Variants in SAYSD1 observed in about 807,000 individuals in gnomAD.
SAYSD1 encodes SAYSVFN motif domain containing 1.
A neutral mutation model predicts 14.5 loss-of-function variants in SAYSD1; 15 were observed. That is an observed-to-expected ratio of 1.03 (90% CI 0.69 to 1.59). The LOEUF (loss-of-function observed/expected upper bound fraction) is 1.59. Among genes scored for constraint, SAYSD1 ranks in the 40% most tolerant of loss-of-function variants. The pLI is 0.00. For missense variants in SAYSD1, 247 were observed against 227.3 expected (o/e 1.09, Z -0.56); for synonymous variants, 105 against 102.6 (o/e 1.02, Z -0.14).
intron 1 of SAYSD1, among the ~76,000 whole-genome samples, chr6:39,106,908 G>C (rs560396369): frequency 6.6e-6 from 1 of 152,116 alleles, no homozygotes; most frequent in Non-Finnish European, 1.5e-5. Flanking sequence ...CACTGTTTTC[G>C]GAACTCTTTT....
In SAYSD1 at chr6:39,115,129, C is replaced by T. The variant is rs1033704682; in HGVS notation, c.-40G>A. 3.2e-6 allele frequency: 5 copies of T among 1,566,892 alleles called. No individual in the cohort carries two copies. The Admixed American group carries it at 5.3e-5, about 17-fold the overall frequency. ...GTCCGTTGGCCGATAAGGGAGCGCG[C>T]GCCCGCAGGCCGCACAGCAGTTGCC... On this transcript the variant is annotated 5_prime_UTR_variant, in exon 1 of 2. Transcript: ENST00000229903.
chr6:39,115,061 G>A lies in SAYSD1; in HGVS notation c.29C>T (p.Ala10Val), dbSNP rs377371885. 82 of 1,609,630 alleles carry A rather than the reference G, an allele frequency of 5.1e-5. No homozygotes were observed. The African/African-American group carries it at 9.5e-4, about 19-fold the overall frequency. The change falls in exon 1 of 2, where the codon GCG (alanine) becomes GTG (valine). Residue 10 changes from alanine to valine, a missense_variant. Transcript: ENST00000229903. The stretch of plus-strand genomic sequence containing the variant: ...CGCCAGACCCGCCCGTTTCCGCGCC[G>A]CCCGAAACTCAGCTAACCGCTGTTC... MEQRLAEFR[A>V]ARKRAGLAAQ...
intron 1 of SAYSD1, chr6:39,113,618 T>C (rs1769674020): frequency 6.6e-6 from 1 of 152,658 alleles, no homozygotes; most frequent in Admixed American, 6.5e-5. Flanking sequence ...TGGAAGTTTT[T>C]CTCTGAATTC....
intron 1 of SAYSD1, chr6:39,109,300 T>C (rs1323469119): frequency 2.6e-6 from 4 of 1,550,308 alleles, no homozygotes; most frequent in Non-Finnish European, 2.6e-6. Flanking sequence ...TCTGTAGGAA[T>C]TTTTAAAAGT....
intron 1 of SAYSD1, chr6:39,111,380 A>C (rs1191373274): frequency 6.6e-6 from 1 of 151,876 alleles, no homozygotes; most frequent in East Asian, 2.0e-4. Context: ...GCTAGAAAGA[A>C]GCACGAAAGT....
rs1769580159 is a variant in SAYSD1 at position 39,109,296 on chromosome 6, G to A, written c.208-3520C>T. On this transcript the variant is annotated intron_variant, in intron 1 of 1. Coordinates refer to ENST00000229903, the MANE Select transcript of SAYSD1 (RefSeq NM_018322.3). ...GAGAGGGAAGCAGGAGGTTTCTGTA[G>A]GAATTTTTAAAAGTTACCAGCATTT... is the stretch of plus-strand genomic sequence containing the variant. 5.2e-6 allele frequency: 8 copies of A among 1,549,790 alleles called. 1 individual carries two copies. The highest frequency in any genetic ancestry group is 4.1e-5 in the African/African-American group (3 of 73,138).
chr6:39,105,236 T>C lies in SAYSD1; in HGVS notation c.*196A>G. On this transcript the variant is annotated 3_prime_UTR_variant, in exon 2 of 2. Coordinates refer to ENST00000229903, the MANE Select transcript of SAYSD1 (RefSeq NM_018322.3). The stretch of plus-strand genomic sequence containing the variant: ...TAAATTGCGTCGGACCCACAGTGAA[T>C]GTATTTTAGAGAGTTTCACCAAAAC... 1 of 575,952 alleles carries C rather than the reference T, an allele frequency of 1.7e-6. No homozygotes were observed. Among genetic ancestry groups the C allele is most frequent in the Non-Finnish European group, 3.1e-6 (1 of 325,012 alleles). The allele number at this position is 575,952 out of a possible 1,614,324, so 35.7% of individuals were successfully genotyped here. A position where few individuals can be genotyped will look rare whatever the true frequency, so the allele number is the denominator to read the frequency against.
chr6:39,110,128 T>C (rs1769597883), intron 1 of SAYSD1, among the ~76,000 whole-genome samples: 1 of 152,160 alleles, frequency 6.6e-6, no homozygotes, highest in Non-Finnish European at 1.5e-5. Flanking sequence ...CCAGGTGATA[T>C]GATTTCAGTA....
intron 1 of SAYSD1, chr6:39,111,529 T>C (rs1355626279): frequency 6.6e-6 from 1 of 152,166 alleles, no homozygotes; most frequent in East Asian, 1.9e-4. Context: ...ATGCTAGGCC[T>C]GCAAAGAAAA....
At chr6:39,109,347 C>T in intron 1 of SAYSD1, 1 of 1,551,044 alleles carries the variant, frequency 6.4e-7, no homozygotes, top group Non-Finnish European at 8.7e-7. Context: ...AGAAGCTCGT[C>T]ACAGAATTAT....
chr6:39,108,619 TG>T (rs1769549025), intron 1 of SAYSD1, among the ~76,000 whole-genome samples: 1 of 152,142 alleles, frequency 6.6e-6, no homozygotes. Flanking sequence ...AATATCAAGC[TG>T]CTTCTTACCT....
chr6:39,105,231 G>A lies in SAYSD1; in HGVS notation c.*201C>T, dbSNP rs1454149105. 1.7e-6 allele frequency: 1 copy of A among 571,586 alleles called. No individual in the cohort carries two copies. Among genetic ancestry groups the A allele is most frequent in the Non-Finnish European group, 3.1e-6 (1 of 322,846 alleles). The allele number at this position is 571,586 out of a possible 1,614,324, so 35.4% of individuals were successfully genotyped here. A position where few individuals can be genotyped will look rare whatever the true frequency, so the allele number is the denominator to read the frequency against. On this transcript the variant is annotated 3_prime_UTR_variant, in exon 2 of 2. Coordinates refer to ENST00000229903, the MANE Select transcript of SAYSD1 (RefSeq NM_018322.3). ...TTTTATAAATTGCGTCGGACCCACAGTGAATGTATTTTAGAGAGTTTCACC... is the reference window on the plus strand; with the variant it reads ...TTTTATAAATTGCGTCGGACCCACAATGAATGTATTTTAGAGAGTTTCACC...
Position 39,105,122 on chromosome 6 carries a change from C to G in SAYSD1, c.*310G>C, listed in dbSNP as rs1041890897. ...CTGGATGTTTTAAGCTGAGAATCTCCCCAGTGCCTTTCTAGTGCTCTAAAA... is the reference window on the plus strand; with the variant it reads ...CTGGATGTTTTAAGCTGAGAATCTCGCCAGTGCCTTTCTAGTGCTCTAAAA... On this transcript the variant is annotated 3_prime_UTR_variant, in exon 2 of 2. Transcript: ENST00000229903. The G allele has an allele frequency of 1.2e-5, 4 of 325,758 alleles. No homozygotes were observed. The highest frequency in any genetic ancestry group is 2.2e-5 in the African/African-American group (1 of 46,236). 20.2% of individuals were successfully genotyped at this position (325,758 alleles called of 1,614,324 possible). A position where few individuals can be genotyped will look rare whatever the true frequency, so the allele number is the denominator to read the frequency against.
intron 1 of SAYSD1, among the ~76,000 whole-genome samples, chr6:39,106,702 G>A (rs1179198811): frequency 1.3e-5 from 2 of 152,172 alleles, no homozygotes; most frequent in African/African-American, 4.8e-5. Flanking sequence ...ACTGCTAAAT[G>A]AATTTTCTTA....
chr6:39,114,367 C>A (rs1267783819), intron 1 of SAYSD1, among the ~76,000 whole-genome samples: 2 of 152,212 alleles, frequency 1.3e-5, no homozygotes, highest in Non-Finnish European at 2.9e-5. Flanking sequence ...TCTGCCACTA[C>A]CGGCAGTTAC....
intron 1 of SAYSD1, chr6:39,113,077 T>C (rs1024386572): frequency 3.9e-5 from 6 of 152,364 alleles, no homozygotes; most frequent in African/African-American, 1.4e-4. Context: ...GACAAATGTA[T>C]AGATAGAAAG....
chr6:39,112,551 C>T (rs950373846), intron 1 of SAYSD1: 3 of 152,226 alleles, frequency 2.0e-5, no homozygotes, highest in East Asian at 1.9e-4. Context: ...AGCAACTTTC[C>T]GAAGCTCGAA....
In SAYSD1 at chr6:39,105,622, A is replaced by C; in HGVS notation, c.362T>G (p.Phe121Cys). 1 of 1,614,190 alleles carries C rather than the reference A, an allele frequency of 6.2e-7. No individual in the cohort carries two copies. The highest frequency in any genetic ancestry group is 8.5e-7 in the Non-Finnish European group (1 of 1,180,022). ...VLLGLFVELE[F>C]GLAYFVLSLF... The stretch of plus-strand genomic sequence containing the variant: ...GGACAGGACAAAATATGCCAGGCCA[A>C]ATTCCAGTTCCACAAACAGTCCCAG... The change falls in exon 2 of 2, where the codon TTT becomes TGT. Residue 121 changes from phenylalanine to cysteine, a missense_variant. Phe to Cys is a radical substitution (Grantham distance 205, BLOSUM62 -2). Transcript: ENST00000229903.
At chr6:39,109,472 CG>C (rs1769586148) in intron 1 of SAYSD1, 1 of 1,518,388 alleles carries the variant, frequency 6.6e-7, no homozygotes, top group Non-Finnish European at 8.8e-7. Flanking sequence ...CAGCGAGGCC[CG>C]GGTCGGGGCA....
Sources: allele counts gnomAD v4.1 joint callset (sites outside exome capture counted in the v4.1 genomes callset), GRCh38; gene constraint gnomAD v4.1.1; transcripts MANE v1.5; gene names NCBI Gene and HGNC (gene_info 2026-07-23, HGNC 2026-07-21).